The following MS4A7 variants were observed in gnomAD, a reference collection of about 807,000 sequenced individuals.
MS4A7 encodes membrane-spanning 4-domains subfamily A member 7.
MS4A7 carries 21 observed loss-of-function variants against 23.5 expected under a neutral mutation model. That is an observed-to-expected ratio of 0.89 (90% CI 0.63 to 1.29). MS4A7 has a LOEUF of 1.29. MS4A7 is among the 50% of genes most tolerant of loss of function. MS4A7 has a pLI of 0.00. For missense variants in MS4A7, 263 were observed against 274.2 expected, an observed-to-expected ratio of 0.96 and a Z score of 0.29; for synonymous variants, 111 against 107.4, an observed-to-expected ratio of 1.03 and a Z score of -0.21.
intron 5 of MS4A7, chr11:60,389,867 T>C (rs2085532810): frequency 1.2e-5 from 5 of 429,758 alleles, no homozygotes; most frequent in South Asian, 2.3e-5. Flanking sequence ...CCAACCTTAA[T>C]GGGTTTAACT....
rs866466519 is a variant in MS4A7, at chr11:60,393,873, C to T, written c.*12C>T. The T allele has an allele frequency of 4.4e-6, 7 of 1,585,194 alleles. No homozygotes were observed. In the Middle Eastern group the frequency reaches 8.3e-4, roughly 189 times the overall value. ...GGTCTTGGATATAAGTAACTCTTGG[C>T]CTCAGAGGAAGGAAAAGCAACTCAA... On this transcript the variant is annotated 3_prime_UTR_variant, in exon 7 of 7. Coordinates refer to ENST00000300184, the MANE Select transcript of MS4A7 (RefSeq NM_021201.5).
At chr11:60,384,672 A>G (rs778612346) in intron 2 of MS4A7, among the ~76,000 whole-genome samples, 3 of 152,246 alleles carry the variant, frequency 2.0e-5, no homozygotes, top group Non-Finnish European at 2.9e-5. Flanking sequence ...GATGAACAAA[A>G]TAAGATGAAT....
chr11:60,385,688 C>T (rs1274964565), intron 3 of MS4A7, among the ~76,000 whole-genome samples: 2 of 152,104 alleles, frequency 1.3e-5, no homozygotes, highest in Non-Finnish European at 2.9e-5. Context: ...TCATGGGAGG[C>T]AGGGACATGC....
intron 2 of MS4A7, 55 bp downstream of exon 2, chr11:60,383,343 T>C: frequency 6.3e-7 from 1 of 1,592,500 alleles, no homozygotes; most frequent in South Asian, 1.1e-5. Context: ...TAAATGTATC[T>C]AGACTACAGA....
chr11:60,389,253 AAC>A, intron 4 of MS4A7, 135 bp from the exon 5 acceptor site: 2 of 643,006 alleles, frequency 3.1e-6, no homozygotes, highest in East Asian at 2.7e-5. Flanking sequence ...AGATGAATAA[AAC>A]ACAGTTTGTG....
chr11:60,381,698 G>T (rs554177248), intron 1 of MS4A7, among the ~76,000 whole-genome samples: 1 of 152,290 alleles, frequency 6.6e-6, no homozygotes, highest in East Asian at 1.9e-4. Context: ...TTTATCACAT[G>T]CCTCCCCCTA....
rs775123069 is a variant in MS4A7 at position 60,386,774 on chromosome 11, G to C, written c.339+1G>C. 2 of 1,608,646 alleles carry C rather than the reference G, an allele frequency of 1.2e-6. No individual in the cohort carries two copies. Among genetic ancestry groups the C allele is most frequent in the African/African-American group, 2.7e-5 (2 of 74,746 alleles). ...TGGAAAACAATCAACTAAGCCCTTT[G>C]TAAGTATAAGGACCATCAAATCTCA... On this transcript the variant is annotated splice_donor_variant, in intron 4 of 6. Transcript: ENST00000300184. LOFTEE classifies it high-confidence loss of function.
At chr11:60,384,333 G>A (rs2085461469) in intron 2 of MS4A7, among the ~76,000 whole-genome samples, 1 of 152,146 alleles carries the variant, frequency 6.6e-6, no homozygotes, top group Non-Finnish European at 1.5e-5. Context: ...CAAGCCTCAT[G>A]TCCTACTACT....
chr11:60,389,435 G>T lies in MS4A7; in HGVS notation c.385G>T (p.Gly129Ter), dbSNP rs767874935. 3.1e-6 allele frequency: 5 copies of T among 1,613,936 alleles called. No individual in the cohort carries two copies. The Admixed American group carries it at 8.3e-5, about 27-fold the overall frequency. The change falls in exon 5 of 7, where the codon GGA becomes TGA. Residue 129 changes from glycine to a stop codon, truncating the protein, a stop_gained. Transcript: ENST00000300184. LOFTEE classifies it high-confidence loss of function. ...TSNAVSSVTA[G>*]AGLFLLADSM... The stretch of plus-strand genomic sequence containing the variant: ...AAATGCAGTGAGTTCTGTTACTGCA[G>T]GAGCAGGCCTCTTCCTCCTTGCTGA...
In MS4A7 at chr11:60,389,409, CA is replaced by C. The variant is rs776778027; in HGVS notation, c.362del (p.Asn121MetfsTer3). 1.1e-5 allele frequency: 17 copies of C among 1,612,448 alleles called. No individual in the cohort carries two copies. Among genetic ancestry groups the C allele is most frequent in the Non-Finnish European group, 1.3e-5 (15 of 1,179,242 alleles). On this transcript the variant is annotated frameshift_variant, in exon 5 of 7. Coordinates refer to ENST00000300184, the MANE Select transcript of MS4A7 (RefSeq NM_021201.5). LOFTEE classifies it high-confidence loss of function. Reference sequence around the variant, plus strand: ...TTCCAGGACCTGAGCAGCTTGACCTCAAATGCAGTGAGTTCTGTTACTGCAG... The same window carrying C: ...TTCCAGGACCTGAGCAGCTTGACCTCAATGCAGTGAGTTCTGTTACTGCAG... ...TKPFDLSSLTSNAVSSVTAGA... is the reference protein window; with the variant it reads ...TKPFDLSSLTXNAVSSVTAGA...
At position 60,383,105 on chromosome 11, in the gene MS4A7, A is replaced by G. The variant is rs2085447367; in HGVS notation, c.-13-24A>G. 3.1e-6 allele frequency: 5 copies of G among 1,607,402 alleles called. No homozygotes were observed. The East Asian group carries it at 1.1e-4, about 36-fold the overall frequency. ...TCTGTAAGTCAAACCTTGGGAAGTAACTGAGTTTTGATGCCTCTTCCAGCA... is the reference window on the plus strand; with the variant it reads ...TCTGTAAGTCAAACCTTGGGAAGTAGCTGAGTTTTGATGCCTCTTCCAGCA... On this transcript the variant is annotated intron_variant, in intron 1 of 6. Transcript: ENST00000300184.
At chr11:60,382,423 G>A (rs1402799716) in intron 1 of MS4A7, among the ~76,000 whole-genome samples, 1 of 152,158 alleles carries the variant, frequency 6.6e-6, no homozygotes, top group Non-Finnish European at 1.5e-5. Flanking sequence ...TTCAATAAAA[G>A]TCACTTGAGC....
intron 5 of MS4A7, chr11:60,389,984 T>C: frequency 4.0e-6 from 1 of 249,888 alleles, no homozygotes; most frequent in Non-Finnish European, 7.9e-6. Context: ...TGGGATTCTT[T>C]TGGGTTCTTT....
chr11:60,382,778 G>A (rs1223473013), intron 1 of MS4A7, among the ~76,000 whole-genome samples: 1 of 152,236 alleles, frequency 6.6e-6, no homozygotes, highest in East Asian at 1.9e-4. Context: ...CAGAGATACA[G>A]GAGATAGGGA....
chr11:60,389,267 C>A, intron 4 of MS4A7, 123 bp from the exon 5 acceptor site: 3 of 695,804 alleles, frequency 4.3e-6, no homozygotes, highest in East Asian at 2.7e-5. Context: ...CAGTTTGTGC[C>A]CACACAAGGA....
chr11:60,383,846 G>A (rs7106683), intron 2 of MS4A7, among the ~76,000 whole-genome samples: 1,760 of 152,148 alleles, frequency 0.012, 12 homozygotes, highest in Non-Finnish European at 0.016. Flanking sequence ...CCACAAATTA[G>A]TCTTTCTTAT....
chr11:60,394,952 A>C lies in MS4A7; in HGVS notation c.*1091A>C. The C allele has an allele frequency of 1.5e-6, 1 of 663,212 alleles. No homozygotes were observed. Among genetic ancestry groups the C allele is most frequent in the Non-Finnish European group, 2.8e-6 (1 of 361,336 alleles). 41.1% of individuals were successfully genotyped at this position (663,212 alleles called of 1,614,324 possible). A position where few individuals can be genotyped will look rare whatever the true frequency, so the allele number is the denominator to read the frequency against. On this transcript the variant is annotated 3_prime_UTR_variant, in exon 7 of 7. Transcript: ENST00000300184. Reference sequence around the variant, plus strand: ...TTCTCTTCTGTCATTTCAGGGTAGGAGTCAATGAAGACATCTTAGTCTTAA... The same window carrying C: ...TTCTCTTCTGTCATTTCAGGGTAGGCGTCAATGAAGACATCTTAGTCTTAA...
Position 60,386,717 on chromosome 11 carries a change from T to C in MS4A7, c.283T>C (p.Phe95Leu). 6.2e-7 allele frequency: 1 copy of C among 1,612,492 alleles called. No homozygotes were observed. Among genetic ancestry groups the C allele is most frequent in the Non-Finnish European group, 8.5e-7 (1 of 1,178,644 alleles). The change falls in exon 4 of 7, where the codon TTT becomes CTT. Residue 95 changes from phenylalanine to leucine, a missense_variant and splice_region_variant. By Grantham distance (22) the Phe-to-Leu change is conservative (BLOSUM62 0). Coordinates refer to ENST00000300184, the MANE Select transcript of MS4A7 (RefSeq NM_021201.5). ...SGYPFLGALC[F>L]GITGSLSIIS... Reference sequence around the variant, plus strand: ...GATCATTTCTCTCTCTTCTGGGCAGTTTGGCATTACTGGATCCCTCTCAAT... The same window carrying C: ...GATCATTTCTCTCTCTTCTGGGCAGCTTGGCATTACTGGATCCCTCTCAAT...
chr11:60,386,719 T>C lies in MS4A7; in HGVS notation c.285T>C (p.Phe95=). The C allele has an allele frequency of 6.2e-7, 1 of 1,612,632 alleles. No homozygotes were observed. Among genetic ancestry groups the C allele is most frequent in the South Asian group, 1.1e-5 (1 of 90,968 alleles). Residue 95 remains phenylalanine, a splice_region_variant and synonymous_variant, in exon 4 of 7, where the codon TTT becomes TTC. Transcript: ENST00000300184. ...SGYPFLGALC[F]GITGSLSIIS... ...TCATTTCTCTCTCTTCTGGGCAGTT[T>C]GGCATTACTGGATCCCTCTCAATTA...
Sources: allele counts gnomAD v4.1 joint callset (sites outside exome capture counted in the v4.1 genomes callset), GRCh38; gene constraint gnomAD v4.1.1; transcripts MANE v1.5; gene names NCBI Gene and HGNC (gene_info 2026-07-23, HGNC 2026-07-21).